The following SPAG16 variants were observed in gnomAD, a reference collection of about 807,000 sequenced individuals.
SPAG16 encodes sperm associated antigen 16, also known as sperm-associated antigen 16 protein.
In SPAG16, 86 loss-of-function variants were observed where a neutral mutation model predicts 80.4. That is an observed-to-expected ratio of 1.07 (90% CI 0.90 to 1.28). The LOEUF is 1.28. Ranked by LOEUF, SPAG16 falls within the 50% of genes most tolerant of loss-of-function variation. SPAG16 has a pLI of 0.00. For synonymous variants in SPAG16, 294 were observed against 265.9 expected (o/e 1.11, Z -1.03); for missense variants, 870 against 765.3 (o/e 1.14, Z -1.61).
chr2:213,391,275 T>A (rs1236228813), intron 9 of SPAG16, among the ~76,000 whole-genome samples: 1 of 152,010 alleles, frequency 6.6e-6, no homozygotes, highest in African/African-American at 2.4e-5. Context: ...TTCAAAAAAA[T>A]AAATAAATAA....
chr2:213,555,440 C>G lies in SPAG16; in HGVS notation c.1070+65350C>G, dbSNP rs1411730365. Among the ~76,000 whole-genome samples, 3 of 152,172 alleles carry G rather than the reference C, an allele frequency of 2.0e-5. 1 individual carries two copies. Among genetic ancestry groups the G allele is most frequent in the South Asian group, 4.1e-4 (2 of 4,834 alleles). On this transcript the variant is annotated intron_variant, in intron 10 of 15. Transcript: ENST00000331683. ...TTTCCCCTGCTTGCACTCAGTCCAT[C>G]CTGCCACCCTGTAAAGAAGGTGCCT...
At chr2:214,397,252 T>A (rs1272967429) in intron 15 of SPAG16, among the ~76,000 whole-genome samples, 1 of 150,832 alleles carries the variant, frequency 6.6e-6, no homozygotes, top group African/African-American at 2.4e-5. Flanking sequence ...GCCTCCTGGA[T>A]TCAAGCGATT....
chr2:214,009,840 A>G (rs1025099055), intron 12 of SPAG16, among the ~76,000 whole-genome samples: 1 of 152,192 alleles, frequency 6.6e-6, no homozygotes, highest in African/African-American at 2.4e-5. Flanking sequence ...ACCTTTTGCC[A>G]TTAATCTTTA....
At chr2:214,132,400 T>C (rs896828821) in intron 14 of SPAG16, among the ~76,000 whole-genome samples, 1 of 152,164 alleles carries the variant, frequency 6.6e-6, no homozygotes, top group Non-Finnish European at 1.5e-5. Flanking sequence ...TAATTAAAAA[T>C]AAGTAAAACT....
At chr2:214,213,390 C>T (rs1367785711) in intron 15 of SPAG16, among the ~76,000 whole-genome samples, 1 of 152,158 alleles carries the variant, frequency 6.6e-6, no homozygotes, top group African/African-American at 2.4e-5. Context: ...ATTGAGCACA[C>T]TGAAACCACC....
intron 9 of SPAG16, among the ~76,000 whole-genome samples, chr2:213,423,257 A>G (rs1440194564): frequency 6.6e-6 from 1 of 152,238 alleles, no homozygotes; most frequent in Non-Finnish European, 1.5e-5. Flanking sequence ...TCAAGGGTAG[A>G]ATATAATATG....
chr2:213,702,529 G>A (rs2065505202), intron 10 of SPAG16, among the ~76,000 whole-genome samples: 1 of 152,188 alleles, frequency 6.6e-6, no homozygotes, highest in East Asian at 1.9e-4. Flanking sequence ...CGCCGCGAGG[G>A]TCCACAGCTT....
At chr2:213,438,588 G>A (rs1363196090) in intron 9 of SPAG16, among the ~76,000 whole-genome samples, 2 of 152,208 alleles carry the variant, frequency 1.3e-5, no homozygotes, top group African/African-American at 4.8e-5. Flanking sequence ...GTTTACTACT[G>A]TTCTAGGTAG....
chr2:213,712,044 G>A (rs995231036), intron 10 of SPAG16, among the ~76,000 whole-genome samples: 3 of 152,036 alleles, frequency 2.0e-5, no homozygotes, highest in Non-Finnish European at 2.9e-5. Context: ...ATTCTCAGGA[G>A]GGCACATTTA....
intron 10 of SPAG16, among the ~76,000 whole-genome samples, chr2:213,507,617 T>C (rs1387904499): frequency 6.6e-6 from 1 of 152,224 alleles, no homozygotes; most frequent in Non-Finnish European, 1.5e-5. Flanking sequence ...CAGGGCCTTA[T>C]CAACTATGAA....
chr2:213,609,851 T>C (rs187370847), intron 10 of SPAG16, among the ~76,000 whole-genome samples: 28 of 152,316 alleles, frequency 1.8e-4, no homozygotes, highest in Admixed American at 1.8e-3. Context: ...TGCAGGTGTA[T>C]TTTATTCATA....
chr2:214,165,756 C>T (rs1264598136), intron 15 of SPAG16, among the ~76,000 whole-genome samples: 1 of 151,196 alleles, frequency 6.6e-6, no homozygotes, highest in Non-Finnish European at 1.5e-5. Context: ...GTGCTTATAA[C>T]CCCATCATAT....
intron 10 of SPAG16, among the ~76,000 whole-genome samples, chr2:213,507,404 T>C (rs1267850074): frequency 1.3e-5 from 2 of 152,214 alleles, no homozygotes; most frequent in Non-Finnish European, 2.9e-5. Flanking sequence ...TCATCAAATA[T>C]ACTCAGAACG....
chr2:213,960,414 G>C (rs1298146311), intron 12 of SPAG16, among the ~76,000 whole-genome samples: 1 of 151,656 alleles, frequency 6.6e-6, no homozygotes, highest in Non-Finnish European at 1.5e-5. Flanking sequence ...TCTTTGAATG[G>C]ACCATACTTT....
intron 10 of SPAG16, among the ~76,000 whole-genome samples, chr2:213,812,934 G>A (rs1194105110): frequency 6.6e-6 from 1 of 151,870 alleles, no homozygotes. Context: ...ATAAAGAATA[G>A]GATTTTTAAA....
chr2:214,364,083 T>C (rs1241757736), intron 15 of SPAG16, among the ~76,000 whole-genome samples: 1 of 152,046 alleles, frequency 6.6e-6, no homozygotes, highest in African/African-American at 2.4e-5. Flanking sequence ...ACCCAAAAGA[T>C]TTAGTGGACT....
intron 12 of SPAG16, among the ~76,000 whole-genome samples, chr2:213,956,038 A>G (rs1266472600): frequency 1.3e-5 from 2 of 151,940 alleles, no homozygotes; most frequent in Admixed American, 1.3e-4. Context: ...GCTCACTGCA[A>G]TCTCCGCCTC....
At chr2:214,322,730 T>C (rs974257705) in intron 15 of SPAG16, among the ~76,000 whole-genome samples, 4 of 152,160 alleles carry the variant, frequency 2.6e-5, no homozygotes, top group Admixed American at 1.3e-4. Flanking sequence ...CTAGCCATTA[T>C]TTATAAAAAT....
chr2:214,193,811 T>G (rs1005765592), intron 15 of SPAG16, among the ~76,000 whole-genome samples: 7 of 152,102 alleles, frequency 4.6e-5, no homozygotes, highest in African/African-American at 1.7e-4. Flanking sequence ...AATGTGGCTA[T>G]ATTGGTGCAA....
Sources: gnomAD v4.1 joint callset for allele counts (sites outside exome capture counted in the v4.1 genomes callset) on GRCh38, gnomAD v4.1.1 for gene constraint, MANE v1.5 for transcripts, NCBI Gene and HGNC (gene_info 2026-07-23, HGNC 2026-07-21) for gene names.